Variants in NEO1 observed in about 807,000 individuals in gnomAD.
NEO1 encodes neogenin.
In NEO1, 63 loss-of-function variants were observed where a neutral mutation model predicts 159.7. The observed-to-expected ratio is 0.39, with a 90% CI of 0.32 to 0.49. The LOEUF is 0.49. Among genes scored for constraint, NEO1 ranks in the 20% least tolerant of loss-of-function variants. The probability of loss-of-function intolerance (pLI) is 0.85; values close to 1 mark genes in which losing one functional copy is unlikely to be tolerated. For missense variants in NEO1, 1,615 were observed against 1,831.0 expected (o/e 0.88, Z 2.15); for synonymous variants, 633 against 662.0 (o/e 0.96, Z 0.67).
intron 7 of NEO1, among the ~76,000 whole-genome samples, chr15:73,180,255 CTGGCT>C (rs1266953994): frequency 2.6e-5 from 4 of 152,140 alleles, no homozygotes; most frequent in African/African-American, 4.8e-5. Context: ...GGCACCTACT[CTGGCT>C]TTTCACTAAC....
intron 5 of NEO1, among the ~76,000 whole-genome samples, chr15:73,139,267 CCAA>C (rs1189358555): frequency 6.6e-6 from 1 of 151,962 alleles, no homozygotes; most frequent in East Asian, 1.9e-4. Flanking sequence ...TTTGCAAAGA[CCAA>C]CGTTTTTTTG....
At chr15:73,230,051 G>A (rs1363683767) in intron 7 of NEO1, among the ~76,000 whole-genome samples, 2 of 152,066 alleles carry the variant, frequency 1.3e-5, no homozygotes, top group South Asian at 4.1e-4. Context: ...GAGTAATACT[G>A]AACGCACAGG....
In NEO1 at chr15:73,249,618, T is replaced by C. The variant is rs756268374; in HGVS notation, c.1791T>C (p.Asn597=). The C allele has an allele frequency of 3.7e-6, 6 of 1,613,532 alleles. No homozygotes were observed. The highest frequency in any genetic ancestry group is 1.1e-5 in the South Asian group (1 of 90,922). ...TTTCAAGTCACTCTTACACCATTAATGGGTTGAAAAAATATACAGAGTATA... is the reference window on the plus strand; with the variant it reads ...TTTCAAGTCACTCTTACACCATTAACGGGTTGAAAAAATATACAGAGTATA... ...VDVSSHSYTI[N]GLKKYTEYSF... is the part of the protein sequence containing the mutation. The change falls in exon 11 of 29, where the codon AAT becomes AAC. Residue 597 remains asparagine, a synonymous_variant. Transcript: ENST00000261908.
intron 13 of NEO1, among the ~76,000 whole-genome samples, chr15:73,256,992 T>TAC (rs2040385585): frequency 6.6e-6 from 1 of 150,638 alleles, no homozygotes; most frequent in Non-Finnish European, 1.5e-5. Context: ...ATTAGCCAGG[T>TAC]GTGGTGGTGC....
At chr15:73,254,868 C>G in intron 13 of NEO1, 39 bp downstream of exon 13, 1 of 1,587,388 alleles carries the variant, frequency 6.3e-7, no homozygotes, top group Non-Finnish European at 8.6e-7. Context: ...TACACTGTGT[C>G]TTTCTCAGAT....
chr15:73,164,418 T>A (rs929488826), intron 5 of NEO1, among the ~76,000 whole-genome samples: 2 of 151,880 alleles, frequency 1.3e-5, no homozygotes, highest in Non-Finnish European at 2.9e-5. Context: ...TTTCACCATG[T>A]TGGACAGGGT....
intron 5 of NEO1, among the ~76,000 whole-genome samples, chr15:73,137,838 A>G (rs1224771059): frequency 1.3e-5 from 2 of 152,182 alleles, no homozygotes; most frequent in Non-Finnish European, 2.9e-5. Flanking sequence ...ATGAATTGGA[A>G]GATTACATTG....
In NEO1 at chr15:73,302,804, G is replaced by C; in HGVS notation, c.*108G>C. On this transcript the variant is annotated 3_prime_UTR_variant, in exon 29 of 29. Transcript: ENST00000261908. ...CGAGAGGACAGCACTTGAGAACACAGAATGAGCCAGCAGACTGGCCAGCGC... is the reference window on the plus strand; with the variant it reads ...CGAGAGGACAGCACTTGAGAACACACAATGAGCCAGCAGACTGGCCAGCGC... The C allele has an allele frequency of 9.7e-7, 1 of 1,027,298 alleles. No homozygotes were observed. 63.6% of individuals were successfully genotyped at this position (1,027,298 alleles called of 1,614,324 possible).
chr15:73,262,897 A>T (rs1375795449), intron 15 of NEO1, among the ~76,000 whole-genome samples: 2 of 152,332 alleles, frequency 1.3e-5, no homozygotes, highest in East Asian at 3.9e-4. Context: ...ATCAAGACAC[A>T]ACAGAAATTA....
intron 1 of NEO1, among the ~76,000 whole-genome samples, chr15:73,111,031 A>G (rs1159565821): frequency 6.6e-6 from 1 of 152,220 alleles, no homozygotes; most frequent in Non-Finnish European, 1.5e-5. Context: ...GTTCATATAT[A>G]TACATATATA....
At chr15:73,184,864 G>A (rs1247193368) in intron 7 of NEO1, among the ~76,000 whole-genome samples, 2 of 152,092 alleles carry the variant, frequency 1.3e-5, no homozygotes, top group Non-Finnish European at 2.9e-5. Flanking sequence ...GGAGGCGAAG[G>A]TTGCAGTGAG....
At chr15:73,267,746 C>G (rs1253905098) in intron 16 of NEO1, among the ~76,000 whole-genome samples, 1 of 151,776 alleles carries the variant, frequency 6.6e-6, no homozygotes, top group African/African-American at 2.4e-5. Context: ...GCATAGCATT[C>G]CATGGTGTAT....
chr15:73,144,003 A>G (rs2032665888), intron 5 of NEO1, among the ~76,000 whole-genome samples: 1 of 152,248 alleles, frequency 6.6e-6, no homozygotes, highest in Non-Finnish European at 1.5e-5. Flanking sequence ...AACGAATGGA[A>G]TGAGTGAATG....
chr15:73,214,460 T>G (rs986664166), intron 7 of NEO1, among the ~76,000 whole-genome samples: 13 of 152,072 alleles, frequency 8.5e-5, no homozygotes, highest in African/African-American at 3.1e-4. Context: ...AAGGTGAGAG[T>G]TGAGGATCCA....
chr15:73,084,817 A>ATG (rs1210740647), intron 1 of NEO1, among the ~76,000 whole-genome samples: 7 of 150,576 alleles, frequency 4.6e-5, no homozygotes, highest in Middle Eastern at 3.4e-3. Context: ...TGTGTGTTTA[A>ATG]TGTGTGTGTG....
intron 1 of NEO1, among the ~76,000 whole-genome samples, chr15:73,090,750 A>G (rs2069641228): frequency 6.6e-6 from 1 of 152,188 alleles, no homozygotes; most frequent in Non-Finnish European, 1.5e-5. Flanking sequence ...TTTACATGTT[A>G]CCTCCTGTTC....
intron 17 of NEO1, 32 bp from the exon 18 acceptor site, chr15:73,270,284 A>G: frequency 1.2e-6 from 2 of 1,613,882 alleles, no homozygotes; most frequent in Non-Finnish European, 8.5e-7. Context: ...GATACTTTCT[A>G]ATTTTAAAGT....
rs1287162783 is a variant in NEO1, at chr15:73,303,039, C to CAAAGA, written c.*343_*344insAAAGA. 1 of 235,776 alleles carries CAAAGA rather than the reference C, an allele frequency of 4.2e-6. No individual in the cohort carries two copies. Among genetic ancestry groups the CAAAGA allele is most frequent in the Non-Finnish European group, 8.6e-6 (1 of 116,860 alleles). The allele number at this position is 235,776 out of a possible 1,614,324, so 14.6% of individuals were successfully genotyped here. A position where few individuals can be genotyped will look rare whatever the true frequency, so the allele number is the denominator to read the frequency against. On this transcript the variant is annotated 3_prime_UTR_variant, in exon 29 of 29. Transcript: ENST00000261908. ...GTGTCTTTGTGCTGTGACTGCATCA[C>CAAAGA]CTTTATGGAGTGTAGACATTGGCAT...
At chr15:73,301,100 G>C (rs1476214415) in intron 27 of NEO1, among the ~76,000 whole-genome samples, 1 of 152,194 alleles carries the variant, frequency 6.6e-6, no homozygotes, top group Non-Finnish European at 1.5e-5. Context: ...CACTGGACTA[G>C]GATATTGGTT....
Sources: gnomAD v4.1 joint callset for allele counts (sites outside exome capture counted in the v4.1 genomes callset) on GRCh38, gnomAD v4.1.1 for gene constraint, MANE v1.5 for transcripts, NCBI Gene and HGNC (gene_info 2026-07-23, HGNC 2026-07-21) for gene names.